The following ZMAT3 variants were observed in gnomAD, a reference collection of about 807,000 sequenced individuals.
ZMAT3 encodes the protein zinc finger matrin-type 3.
Under a neutral mutation model 32.3 loss-of-function variants are expected in ZMAT3, and 17 were observed. The observed-to-expected ratio is 0.53, with a 90% CI of 0.36 to 0.79. ZMAT3 has a LOEUF of 0.79. ZMAT3 is among the 30% of genes least tolerant of loss of function. The probability of loss-of-function intolerance (pLI) is 0.00; values close to 1 mark genes in which losing one functional copy is unlikely to be tolerated. For synonymous variants in ZMAT3, 120 were observed against 133.1 expected (o/e 0.90, Z 0.68); for missense variants, 329 against 359.7 (o/e 0.91, Z 0.69).
chr3:179,058,547 G>T (rs1275821045), intron 2 of ZMAT3, among the ~76,000 whole-genome samples: 2 of 152,122 alleles, frequency 1.3e-5, no homozygotes, highest in African/African-American at 4.8e-5. Flanking sequence ...ACGAGGTCAG[G>T]AGATCGAGAC....
rs1362641246 is a variant in ZMAT3 at position 179,017,815 on chromosome 3, A to G, written c.*7202T>C. ...TCGGTTTTGCTTCTGAATCTAGAGC[A>G]TATTTCCAAGGAGAAGCAACTTATT... On this transcript the variant is annotated 3_prime_UTR_variant, in exon 6 of 6. Transcript: ENST00000311417. The G allele has an allele frequency of 6.6e-6, 1 of 152,194 alleles. No homozygotes were observed. The highest frequency in any genetic ancestry group is 2.1e-4 in the South Asian group (1 of 4,828). 9.4% of individuals were successfully genotyped at this position (152,194 alleles called of 1,614,324 possible). A position where few individuals can be genotyped will look rare whatever the true frequency, so the allele number is the denominator to read the frequency against.
chr3:179,037,746 GT>G (rs1472023370), intron 2 of ZMAT3, among the ~76,000 whole-genome samples: 2 of 152,178 alleles, frequency 1.3e-5, no homozygotes, highest in Non-Finnish European at 2.9e-5. Context: ...GGCTAAGAAG[GT>G]TTAGAAGTCT....
chr3:179,044,332 T>A (rs1345457926), intron 2 of ZMAT3, among the ~76,000 whole-genome samples: 2 of 152,178 alleles, frequency 1.3e-5, no homozygotes, highest in East Asian at 3.9e-4. Context: ...CGAATGTCCA[T>A]CAATGATAGA....
At chr3:179,066,365 CATATT>C (rs1487938622) in intron 2 of ZMAT3, among the ~76,000 whole-genome samples, 1 of 152,192 alleles carries the variant, frequency 6.6e-6, no homozygotes. Flanking sequence ...AAGGAGGCAA[CATATT>C]ATGTCTTCCC....
Position 179,024,857 on chromosome 3 carries a change from CGG to C in ZMAT3, c.*158_*159del. The C allele has an allele frequency of 1.8e-6, 1 of 542,092 alleles. No individual in the cohort carries two copies. The highest frequency in any genetic ancestry group is 3.2e-6 in the Non-Finnish European group (1 of 313,088). The allele number at this position is 542,092 out of a possible 1,614,324, so 33.6% of individuals were successfully genotyped here. A position where few individuals can be genotyped will look rare whatever the true frequency, so the allele number is the denominator to read the frequency against. On this transcript the variant is annotated 3_prime_UTR_variant, in exon 6 of 6. Transcript: ENST00000311417. ...CACCCACCTCCCCCCGCCCCGCCCCCGGGCCCCCAGGTTTTGACATCTCATGG... is the reference window on the plus strand; with the variant it reads ...CACCCACCTCCCCCCGCCCCGCCCCCGCCCCCAGGTTTTGACATCTCATGG...
chr3:179,033,520 A>G (rs1576844365), intron 2 of ZMAT3, among the ~76,000 whole-genome samples: 1 of 134,912 alleles, frequency 7.4e-6, no homozygotes, highest in African/African-American at 2.7e-5. Context: ...AAAAAAGGAA[A>G]GAAAGAAAAG....
At position 179,067,611 on chromosome 3, in the gene ZMAT3, C is replaced by T. The variant is rs1721486242; in HGVS notation, c.142G>A (p.Ala48Thr). Reference sequence around the variant, plus strand: ...CCCTTCGATAACTCTTCTTCCCCTGCAAGAGGCAAGGAAGCCTCCTGCCCA... The same window carrying T: ...CCCTTCGATAACTCTTCTTCCCCTGTAAGAGGCAAGGAAGCCTCCTGCCCA... ...PFGQEASLPL[A>T]GEEELSKGGE... is the part of the protein sequence containing the mutation. The change falls in exon 2 of 6, where the codon GCA (alanine) becomes ACA (threonine). Residue 48 changes from alanine to threonine, a missense_variant. Coordinates refer to ENST00000311417, the MANE Select transcript of ZMAT3 (RefSeq NM_022470.4). The T allele has an allele frequency of 4.3e-6, 7 of 1,614,100 alleles. No homozygotes were observed. Among genetic ancestry groups the T allele is most frequent in the Non-Finnish European group, 5.9e-6 (7 of 1,180,050 alleles).
intron 1 of ZMAT3, among the ~76,000 whole-genome samples, chr3:179,068,453 C>T (rs551544465): frequency 2.3e-3 from 351 of 151,502 alleles, no homozygotes; most frequent in African/African-American, 8.1e-3. Flanking sequence ...CAGAGGTGGT[C>T]GTGAGCCGAG....
At chr3:179,069,989 G>C (rs1410392235) in intron 1 of ZMAT3, among the ~76,000 whole-genome samples, 1 of 151,964 alleles carries the variant, frequency 6.6e-6, no homozygotes, top group Non-Finnish European at 1.5e-5. Flanking sequence ...TTTAGAAAAC[G>C]GAACTAAGTA....
At chr3:179,049,446 A>G (rs1297049750) in intron 2 of ZMAT3, among the ~76,000 whole-genome samples, 2 of 152,220 alleles carry the variant, frequency 1.3e-5, no homozygotes, top group Non-Finnish European at 2.9e-5. Flanking sequence ...AATTTAAGAA[A>G]ATCGAACTTA....
At chr3:179,054,057 G>A (rs1720708375) in intron 2 of ZMAT3, among the ~76,000 whole-genome samples, 1 of 152,080 alleles carries the variant, frequency 6.6e-6, no homozygotes, top group Non-Finnish European at 1.5e-5. Flanking sequence ...GTGCATACAG[G>A]AATTATTTGT....
chr3:179,026,403 T>TTTG (rs1718873050), intron 5 of ZMAT3, among the ~76,000 whole-genome samples: 1 of 143,824 alleles, frequency 7.0e-6, no homozygotes, highest in Admixed American at 7.0e-5. Context: ...TTTTTTTTTT[T>TTTG]TGAGACAGAG....
At chr3:179,045,250 G>A (rs1720167989) in intron 2 of ZMAT3, among the ~76,000 whole-genome samples, 2 of 152,094 alleles carry the variant, frequency 1.3e-5, no homozygotes, top group African/African-American at 4.8e-5. Flanking sequence ...CTCAAAAGAA[G>A]AGTCTAGTTA....
At chr3:179,057,672 G>A (rs1031890668) in intron 2 of ZMAT3, among the ~76,000 whole-genome samples, 3 of 152,210 alleles carry the variant, frequency 2.0e-5, no homozygotes, top group Non-Finnish European at 4.4e-5. Context: ...CTCACAGCAG[G>A]TTAAATACTT....
intron 2 of ZMAT3, among the ~76,000 whole-genome samples, chr3:179,067,275 G>C (rs562120178): frequency 6.6e-6 from 1 of 152,338 alleles, no homozygotes; most frequent in Non-Finnish European, 1.5e-5. Context: ...ACAGCTTAGT[G>C]TAACAGGTTG....
chr3:179,021,460 C>A lies in ZMAT3; in HGVS notation c.*3557G>T, dbSNP rs1180017527. On this transcript the variant is annotated 3_prime_UTR_variant, in exon 6 of 6. Coordinates refer to ENST00000311417, the MANE Select transcript of ZMAT3 (RefSeq NM_022470.4). ...ATCTTCTAACGTTGATTTTTTATGA[C>A]AACTTACACAAAGATATTATTCACA... 1 of 152,148 alleles carries A rather than the reference C, an allele frequency of 6.6e-6. No individual in the cohort carries two copies. 9.4% of individuals were successfully genotyped at this position (152,148 alleles called of 1,614,324 possible).
chr3:179,062,568 C>A (rs1245686615), intron 2 of ZMAT3, among the ~76,000 whole-genome samples: 3 of 152,108 alleles, frequency 2.0e-5, no homozygotes, highest in Admixed American at 2.0e-4. Flanking sequence ...AGCTTCTGTC[C>A]TCTAAAGTGA....
chr3:179,054,004 C>T (rs1720705958), intron 2 of ZMAT3, among the ~76,000 whole-genome samples: 1 of 152,144 alleles, frequency 6.6e-6, no homozygotes, highest in Admixed American at 6.5e-5. Flanking sequence ...GACAACTATA[C>T]TGTAGTTATG....
chr3:179,059,822 G>T (rs528189082), intron 2 of ZMAT3, among the ~76,000 whole-genome samples: 3 of 152,164 alleles, frequency 2.0e-5, no homozygotes, highest in African/African-American at 4.8e-5. Context: ...CTGTTGAGAG[G>T]GGGGACTGAG....
Sources: allele counts gnomAD v4.1 joint callset (sites outside exome capture counted in the v4.1 genomes callset), GRCh38; gene constraint gnomAD v4.1.1; transcripts MANE v1.5; gene names NCBI Gene and HGNC (gene_info 2026-07-23, HGNC 2026-07-21).